Variants in MTO1 observed in about 807,000 individuals in gnomAD.
MTO1 encodes the protein 5-taurinomethyluridine-[tRNA] synthase subunit MTO1, mitochondrial.
MTO1 carries 46 observed loss-of-function variants against 71.6 expected under a neutral mutation model. The observed-to-expected ratio is 0.64, with a 90% CI of 0.51 to 0.82. The LOEUF (loss-of-function observed/expected upper bound fraction) is 0.82. Ranked by LOEUF, MTO1 falls within the 40% of genes least tolerant of loss-of-function variation. MTO1 has a pLI of 0.00. For synonymous variants in MTO1, 297 were observed against 312.1 expected (o/e 0.95, Z 0.51); for missense variants, 773 against 867.5 (o/e 0.89, Z 1.37).
At chr6:73,496,372 C>T (rs950115818) in intron 10 of MTO1, among the ~76,000 whole-genome samples, 2 of 151,928 alleles carry the variant, frequency 1.3e-5, no homozygotes, top group Non-Finnish European at 2.9e-5. Flanking sequence ...TTGAACAATC[C>T]CTTAACTAAA....
At chr6:73,467,313 C>CA (rs1470867961) in intron 3 of MTO1, among the ~76,000 whole-genome samples, 48 of 147,494 alleles carry the variant, frequency 3.3e-4, no homozygotes, top group South Asian at 8.6e-4. Flanking sequence ...GACCCTGTGT[C>CA]AAAAAAAAAT....
At chr6:73,482,820 C>G (rs1247989539) in intron 9 of MTO1, among the ~76,000 whole-genome samples, 200 bp downstream of exon 9, 1 of 100,250 alleles carries the variant, frequency 1.0e-5, no homozygotes, top group Admixed American at 1.6e-4. Context: ...TTGAGACAGT[C>G]TCGCTCTTTC....
chr6:73,509,168 A>G lies in MTO1; in HGVS notation c.*8433A>G, dbSNP rs1772361646. Reference sequence around the variant, plus strand: ...ATTTGGTATTAGCCATCTGGTATTTAACCTCTGAAAACCACACAATCTTCT... The same window carrying G: ...ATTTGGTATTAGCCATCTGGTATTTGACCTCTGAAAACCACACAATCTTCT... On this transcript the variant is annotated 3_prime_UTR_variant, in exon 12 of 12. Transcript: ENST00000498286. 1 of 152,232 alleles carries G rather than the reference A, an allele frequency of 6.6e-6. No homozygotes were observed. Among genetic ancestry groups the G allele is most frequent in the African/African-American group, 2.4e-5 (1 of 41,464 alleles). 9.4% of individuals were successfully genotyped at this position (152,232 alleles called of 1,614,324 possible).
chr6:73,471,483 C>T (rs567242742), intron 3 of MTO1: 2 of 450,010 alleles, frequency 4.4e-6, no homozygotes, highest in East Asian at 1.4e-4. Context: ...GGCATGATCA[C>T]AGCTCGCTGT....
rs549036730 is a variant in MTO1, at chr6:73,484,125, A to G, written c.1637+1505A>G. Among the ~76,000 whole-genome samples, 41 of 152,210 alleles carry G rather than the reference A, an allele frequency of 2.7e-4. 1 individual carries two copies. Among genetic ancestry groups the G allele is most frequent in the African/African-American group, 9.4e-4 (39 of 41,550 alleles). Reference sequence around the variant, plus strand: ...GTTTCCCAAAGCACTAGCACCAGCAATGAAACAGATTTTTAATAATAGTAA... The same window carrying G: ...GTTTCCCAAAGCACTAGCACCAGCAGTGAAACAGATTTTTAATAATAGTAA... On this transcript the variant is annotated intron_variant, in intron 9 of 11. Transcript: ENST00000498286.
At chr6:73,474,719 G>T (rs1771260504) in intron 4 of MTO1, among the ~76,000 whole-genome samples, 1 of 151,408 alleles carries the variant, frequency 6.6e-6, no homozygotes, top group South Asian at 2.1e-4. Context: ...AAGTGCTGGT[G>T]CTGGGATTAC....
In MTO1 at chr6:73,501,525, C is replaced by T. The variant is rs565318786; in HGVS notation, c.*790C>T. The T allele has an allele frequency of 6.6e-6, 1 of 152,166 alleles. No individual in the cohort carries two copies. The highest frequency in any genetic ancestry group is 1.5e-5 in the Non-Finnish European group (1 of 68,030). 9.4% of individuals were successfully genotyped at this position (152,166 alleles called of 1,614,324 possible). A position where few individuals can be genotyped will look rare whatever the true frequency, so the allele number is the denominator to read the frequency against. On this transcript the variant is annotated 3_prime_UTR_variant, in exon 12 of 12. Coordinates refer to ENST00000498286, the MANE Select transcript of MTO1 (RefSeq NM_012123.4). ...ATAGTAACTGGTGAGTGGTGTTTCC[C>T]TGTTTTTAAGTCAGAATGACAGAAA...
At position 73,502,851 on chromosome 6, in the gene MTO1, C is replaced by G. The variant is rs1772197607; in HGVS notation, c.*2116C>G. 2.7e-5 allele frequency: 4 copies of G among 150,008 alleles called. No individual in the cohort carries two copies. The Admixed American group carries it at 2.7e-4, about 10-fold the overall frequency. 9.3% of individuals were successfully genotyped at this position (150,008 alleles called of 1,614,324 possible). A position where few individuals can be genotyped will look rare whatever the true frequency, so the allele number is the denominator to read the frequency against. ...GGCAGAGGTTGCAGTGAGCCAAGAT[C>G]ATGCCACTGCACTCCAGCCTGGCAA... On this transcript the variant is annotated 3_prime_UTR_variant, in exon 12 of 12. Coordinates refer to ENST00000498286, the MANE Select transcript of MTO1 (RefSeq NM_012123.4).
rs747583462 is a variant in MTO1 at position 73,480,265 on chromosome 6, TTTTG to T, written c.1129+159_1129+162del. On this transcript the variant is annotated intron_variant, in intron 6 of 11. Transcript: ENST00000498286. Reference sequence around the variant, plus strand: ...ACCTATACATTTTAAATAGTCTGTTTTTTGTTTGTTTGTTTGTTTGTTTTGAGAC... The same window carrying T: ...ACCTATACATTTTAAATAGTCTGTTTTTTGTTTGTTTGTTTGTTTTGAGAC... The T allele has an allele frequency of 2.5e-4, 234 of 923,482 alleles. 1 individual carries two copies. The highest frequency in any genetic ancestry group is 6.4e-4 in the African/African-American group (39 of 61,026). 57.2% of individuals were successfully genotyped at this position (923,482 alleles called of 1,614,324 possible).
intron 4 of MTO1, 77 bp downstream of exon 4, chr6:73,473,731 T>TC: frequency 7.7e-7 from 1 of 1,295,016 alleles, no homozygotes; most frequent in Non-Finnish European, 1.1e-6. Context: ...CTTTTTTTTT[T>TC]TTTTTTTGGC....
In MTO1 at chr6:73,487,100, A is replaced by ATT. The variant is rs1374569975; in HGVS notation, c.1637+4480_1637+4481insTT. On this transcript the variant is annotated intron_variant, in intron 9 of 11. Coordinates refer to ENST00000498286, the MANE Select transcript of MTO1 (RefSeq NM_012123.4). ...CTATTCATCTGTTGATGGACACTTGAGTTGCTTTCACCTTATTGTAAATGT... is the reference window on the plus strand; with the variant it reads ...CTATTCATCTGTTGATGGACACTTGATTGTTGCTTTCACCTTATTGTAAATGT... Among the ~76,000 whole-genome samples, 20 of 151,956 alleles carry ATT rather than the reference A, an allele frequency of 1.3e-4. No homozygotes were observed. The East Asian group carries it at 3.9e-3, about 29-fold the overall frequency.
intron 10 of MTO1, among the ~76,000 whole-genome samples, chr6:73,494,593 C>T (rs551441739): frequency 6.6e-6 from 1 of 151,638 alleles, no homozygotes; most frequent in Non-Finnish European, 1.5e-5. Context: ...TCTCCTGCCT[C>T]AGCCTCCTGA....
chr6:73,482,051 C>A lies in MTO1; in HGVS notation c.1272C>A (p.Ala424=). The A allele has an allele frequency of 6.2e-7, 1 of 1,614,010 alleles. No homozygotes were observed. The highest frequency in any genetic ancestry group is 1.6e-4 in the Middle Eastern group (1 of 6,062). ...CAGTGCTCTTGTAGGGTGTGATAGC[C>A]GGAATCAACGCCAGTCTTCGGGTCA... ...YEEAAAQGVI[A]GINASLRVSR... The change falls in exon 8 of 12, where the codon GCC becomes GCA. Residue 424 remains alanine, a synonymous_variant. Coordinates refer to ENST00000498286, the MANE Select transcript of MTO1 (RefSeq NM_012123.4).
intron 9 of MTO1, chr6:73,487,572 T>C (rs1771691363): frequency 2.7e-5 from 4 of 146,564 alleles, no homozygotes; most frequent in South Asian, 2.1e-4. Flanking sequence ...TTTTTTTTTT[T>C]CTTAGTTTTT....
chr6:73,486,554 A>G (rs1218987387), intron 9 of MTO1: 2 of 427,840 alleles, frequency 4.7e-6, no homozygotes, highest in East Asian at 7.9e-5. Context: ...CCTGGCCAAC[A>G]TGGTGAAACC....
rs887578271 is a variant in MTO1, at chr6:73,505,003, T to C, written c.*4268T>C. The C allele has an allele frequency of 5.9e-5, 9 of 151,936 alleles. No homozygotes were observed. The highest frequency in any genetic ancestry group is 2.2e-4 in the African/African-American group (9 of 41,394). The allele number at this position is 151,936 out of a possible 1,614,324, so 9.4% of individuals were successfully genotyped here. A position where few individuals can be genotyped will look rare whatever the true frequency, so the allele number is the denominator to read the frequency against. ...GTTTGAGACCAGCCTGACCAACATG[T>C]TGAAACCCCATCTCTTATTAAAATA... On this transcript the variant is annotated 3_prime_UTR_variant, in exon 12 of 12. Coordinates refer to ENST00000498286, the MANE Select transcript of MTO1 (RefSeq NM_012123.4).
intron 10 of MTO1, among the ~76,000 whole-genome samples, chr6:73,492,968 A>ATGTTTG (rs1554150370): frequency 1.5e-5 from 1 of 67,850 alleles, no homozygotes; most frequent in African/African-American, 5.6e-5. Context: ...TATATAATAT[A>ATGTTTG]TGTGTGTGTG....
intron 11 of MTO1, 152 bp downstream of exon 11, chr6:73,498,048 T>C: frequency 1.5e-6 from 1 of 684,520 alleles, no homozygotes; most frequent in Non-Finnish European, 2.3e-6. Flanking sequence ...ACCCCATCTC[T>C]ACAAAAATAC....
At chr6:73,475,890 C>T (rs1261127623) in intron 4 of MTO1, among the ~76,000 whole-genome samples, 6 of 152,122 alleles carry the variant, frequency 3.9e-5, no homozygotes, top group East Asian at 1.9e-4. Context: ...CCACCATGCC[C>T]GGCCTAAATT....
Sources: allele counts gnomAD v4.1 joint callset (sites outside exome capture counted in the v4.1 genomes callset), GRCh38; gene constraint gnomAD v4.1.1; transcripts MANE v1.5; gene names NCBI Gene and HGNC (gene_info 2026-07-23, HGNC 2026-07-21).